Variants in CLN8 observed in about 807,000 individuals in gnomAD.
CLN8 encodes the protein protein CLN8.
In CLN8, 14 loss-of-function variants were observed where a neutral mutation model predicts 15.7. That is an observed-to-expected ratio of 0.89 (90% CI 0.59 to 1.39). CLN8 has a LOEUF of 1.39. CLN8 is among the 40% of genes most tolerant of loss of function. The probability of loss-of-function intolerance (pLI) is 0.00; values close to 1 mark genes in which losing one functional copy is unlikely to be tolerated. For missense variants in CLN8, 415 were observed against 364.0 expected (o/e 1.14, Z -1.14); for synonymous variants, 188 against 151.0 (o/e 1.25, Z -1.80).
In CLN8 at chr8:1,771,309, G is replaced by A; in HGVS notation, c.255G>A (p.Leu85=). The A allele has an allele frequency of 6.2e-7, 1 of 1,614,210 alleles. No homozygotes were observed. Among genetic ancestry groups the A allele is most frequent in the Non-Finnish European group, 8.5e-7 (1 of 1,180,038 alleles). The change falls in exon 2 of 3, where the codon CTG becomes CTA. Residue 85 remains leucine (L), a synonymous_variant. Transcript: ENST00000331222. ...GCACAGCCGCAGGCCTGTGGGCTCT[G>A]CTGGGGGACCCTGTGCTGCATGCCG... ...VQSTAAGLWA[L]LGDPVLHADK... is the part of the protein sequence containing the mutation.
intron 1 of CLN8, among the ~76,000 whole-genome samples, chr8:1,770,374 G>T (rs577448584): frequency 6.6e-6 from 1 of 152,158 alleles, no homozygotes; most frequent in African/African-American, 2.4e-5. Flanking sequence ...ACCAGAGAAG[G>T]TATAATTGAT....
chr8:1,774,428 A>G (rs1801433512), intron 2 of CLN8, among the ~76,000 whole-genome samples: 1 of 152,230 alleles, frequency 6.6e-6, no homozygotes, highest in Non-Finnish European at 1.5e-5. Flanking sequence ...ATGCAGTAAG[A>G]AAACACTATG....
At chr8:1,768,806 C>T (rs931634355) in intron 1 of CLN8, among the ~76,000 whole-genome samples, 2 of 152,148 alleles carry the variant, frequency 1.3e-5, no homozygotes, top group African/African-American at 4.8e-5. Context: ...ATACCAGAGC[C>T]GAGTGCTCTT....
chr8:1,754,248 C>G (rs910319366), upstream of CLN8, among the ~76,000 whole-genome samples: 4 of 152,192 alleles, frequency 2.6e-5, no homozygotes, highest in Non-Finnish European at 1.5e-5. Flanking sequence ...CTGCCCGTTG[C>G]TCCCTTGCAA....
upstream of CLN8, among the ~76,000 whole-genome samples, chr8:1,760,830 G>A (rs760288942): frequency 1.6e-4 from 24 of 152,188 alleles, no homozygotes; most frequent in Admixed American, 1.3e-3. Context: ...GGGAGCCCGC[G>A]GAAAGCAGGA....
Position 1,771,468 on chromosome 8 carries a change from C to T in CLN8, c.414C>T (p.His138=). 6.2e-7 allele frequency: 1 copy of T among 1,614,224 alleles called. No individual in the cohort carries two copies. The highest frequency in any genetic ancestry group is 8.5e-7 in the Non-Finnish European group (1 of 1,180,036). Reference sequence around the variant, plus strand: ...CATTTGACTTGTTTCTGGTTATCCACCATCTCTTTGCCTTTCTTGGGTTTC... The same window carrying T: ...CATTTGACTTGTTTCTGGTTATCCATCATCTCTTTGCCTTTCTTGGGTTTC... ...FRTFDLFLVI[H]HLFAFLGFLG... is the part of the protein sequence containing the mutation. The change falls in exon 2 of 3, where the codon CAC becomes CAT. Residue 138 remains histidine (H), a synonymous_variant. Transcript: ENST00000331222.
upstream of CLN8, among the ~76,000 whole-genome samples, chr8:1,760,708 T>C (rs1399964657): frequency 2.0e-5 from 3 of 152,112 alleles, no homozygotes; most frequent in Non-Finnish European, 2.9e-5. Flanking sequence ...CCAGTGCTGA[T>C]GGAGAAAGGG....
upstream of CLN8, chr8:1,759,023 C>A (rs538801224): frequency 6.6e-6 from 1 of 152,282 alleles, no homozygotes; most frequent in East Asian, 1.9e-4. Flanking sequence ...TGCTTGATTT[C>A]TTCCAGGGCC....
At chr8:1,766,499 C>A (rs1801063016) in intron 1 of CLN8, among the ~76,000 whole-genome samples, 1 of 151,770 alleles carries the variant, frequency 6.6e-6, no homozygotes, top group African/African-American at 2.4e-5. Flanking sequence ...CCGCCATTCT[C>A]CTGCCTCAGC....
intron 2 of CLN8, among the ~76,000 whole-genome samples, chr8:1,772,316 T>G (rs1413289825): frequency 6.6e-6 from 1 of 152,182 alleles, no homozygotes; most frequent in Non-Finnish European, 1.5e-5. Context: ...TGAATAAGGT[T>G]GTTGTACTAG....
rs537945561 is a variant in CLN8, at chr8:1,778,415, G to C, written c.544-1835G>C. Among the ~76,000 whole-genome samples, 29 of 152,310 alleles carry C rather than the reference G, an allele frequency of 1.9e-4. No homozygotes were observed. The South Asian group carries it at 3.1e-3, about 16-fold the overall frequency. ...GAACTGACAGCCATAGGTTCTTCTG[G>C]TCTGTGGGTTTCTCCCCTGTCCCAT... On this transcript the variant is annotated intron_variant, in intron 2 of 2. Coordinates refer to ENST00000331222, the MANE Select transcript of CLN8 (RefSeq NM_018941.4).
chr8:1,758,105 C>T (rs1251459401), intron 1 of CLN8: 3 of 152,046 alleles, frequency 2.0e-5, no homozygotes, highest in Admixed American at 2.0e-4. Context: ...CGCATGCAAG[C>T]CATCGGCACT....
intron 1 of CLN8, among the ~76,000 whole-genome samples, chr8:1,766,390 G>GA (rs1801056514): frequency 9.1e-6 from 1 of 109,494 alleles, no homozygotes; most frequent in Non-Finnish European, 1.9e-5. Context: ...CCAGTTTTTT[G>GA]TTTTTTTTTT....
upstream of CLN8, chr8:1,763,387 C>CCGCCG (rs1193913501): frequency 1.3e-5 from 1 of 76,502 alleles, no homozygotes; most frequent in East Asian, 3.0e-4. Flanking sequence ...CCCACAGCGC[C>CCGCCG]CGCCGCGCCG....
At chr8:1,753,126 C>A (rs1249327076), upstream of CLN8, among the ~76,000 whole-genome samples, 6 of 152,210 alleles carry the variant, frequency 3.9e-5, no homozygotes, top group Admixed American at 3.9e-4. Context: ...ACATTCTCCC[C>A]TTTCTGATAA....
rs1343053451 is a variant in CLN8 at position 1,771,390 on chromosome 8, AT to A, written c.338del (p.Phe113SerfsTer14). 6.2e-7 allele frequency: 1 copy of A among 1,614,156 alleles called. No homozygotes were observed. Among genetic ancestry groups the A allele is most frequent in the Non-Finnish European group, 8.5e-7 (1 of 1,180,030 alleles). Reference sequence around the variant, plus strand: ...GGTTTCACATCACGACAGCAACGGGATTCTTTTGCTTTGAAAATGTTGCAGT... The same window carrying A: ...GGTTTCACATCACGACAGCAACGGGATCTTTTGCTTTGAAAATGTTGCAGT... ...CWFHITTATG[F>X]FCFENVAVHL... is the part of the protein sequence containing the mutation. On this transcript the variant is annotated frameshift_variant, in exon 2 of 3. Transcript: ENST00000331222. LOFTEE classifies it high-confidence loss of function.
At chr8:1,776,834 C>CT (rs1208629798) in intron 2 of CLN8, among the ~76,000 whole-genome samples, 1 of 152,198 alleles carries the variant, frequency 6.6e-6, no homozygotes, top group Middle Eastern at 3.2e-3. Flanking sequence ...TGGCCTCAGA[C>CT]TGAGTCCTAC....
chr8:1,781,541 T>G lies in CLN8; in HGVS notation c.*974T>G, dbSNP rs1220008921. 1.3e-5 allele frequency: 2 copies of G among 152,040 alleles called. No homozygotes were observed. The highest frequency in any genetic ancestry group is 1.3e-4 in the Admixed American group (2 of 15,242). 9.4% of individuals were successfully genotyped at this position (152,040 alleles called of 1,614,324 possible). On this transcript the variant is annotated 3_prime_UTR_variant, in exon 3 of 3. Coordinates refer to ENST00000331222, the MANE Select transcript of CLN8 (RefSeq NM_018941.4). ...TAAAGATGAAATCTTGCAAGTTTTT[T>G]TTTTTTTTAAATCATGGTACCTGTT...
upstream of CLN8, chr8:1,759,772 G>A (rs1481043286): frequency 1.3e-5 from 2 of 152,196 alleles, no homozygotes; most frequent in Non-Finnish European, 2.9e-5. Context: ...TTAAAGTGTT[G>A]TTTGCAAGCA....
Sources: gnomAD v4.1 joint callset for allele counts (sites outside exome capture counted in the v4.1 genomes callset) on GRCh38, gnomAD v4.1.1 for gene constraint, MANE v1.5 for transcripts, NCBI Gene and HGNC (gene_info 2026-07-23, HGNC 2026-07-21) for gene names.